GALNT7: variants seen among roughly 807,000 people sequenced by gnomAD.
The protein encoded by GALNT7 is polypeptide N-acetylgalactosaminyltransferase 7.
Under a neutral mutation model 82.1 loss-of-function variants are expected in GALNT7, and 60 were observed. The observed-to-expected ratio is 0.73, with a 90% CI of 0.59 to 0.91. The LOEUF (loss-of-function observed/expected upper bound fraction) is 0.91. GALNT7 is among the 40% of genes least tolerant of loss of function. The pLI is 0.00. For synonymous variants in GALNT7, 243 were observed against 275.1 expected (o/e 0.88, Z 1.15); for missense variants, 660 against 804.2 (o/e 0.82, Z 2.17).
intron 6 of GALNT7, among the ~76,000 whole-genome samples, chr4:173,300,588 C>A (rs991899313): frequency 2.0e-5 from 3 of 151,618 alleles, no homozygotes; most frequent in Non-Finnish European, 4.4e-5. Flanking sequence ...GAGGCTGGCA[C>A]GTTCCCGGTG....
At chr4:173,258,312 CAG>C (rs1413998857) in intron 2 of GALNT7, among the ~76,000 whole-genome samples, 1 of 152,150 alleles carries the variant, frequency 6.6e-6, no homozygotes, top group Non-Finnish European at 1.5e-5. Context: ...CTGGAATTAA[CAG>C]TGTGCTAAGG....
chr4:173,284,163 C>T (rs143667190), intron 2 of GALNT7, among the ~76,000 whole-genome samples: 9 of 152,338 alleles, frequency 5.9e-5, no homozygotes, highest in African/African-American at 1.9e-4. Flanking sequence ...TTCAGCTTTT[C>T]ATGAGTCCTT....
chr4:173,297,727 A>G, intron 5 of GALNT7: 2 of 666,376 alleles, frequency 3.0e-6, no homozygotes, highest in Non-Finnish European at 4.5e-6. Context: ...AAAAGAGATA[A>G]CGTAGTTAGG....
At position 173,320,256 on chromosome 4, in the gene GALNT7, A is replaced by C. The variant is rs1169525405; in HGVS notation, c.1837-1324A>C. Among the ~76,000 whole-genome samples, 1 of 151,636 alleles carries C rather than the reference A, an allele frequency of 6.6e-6. No homozygotes were observed. The highest frequency in any genetic ancestry group is 2.4e-5 in the African/African-American group (1 of 41,242). On this transcript the variant is annotated intron_variant, in intron 11 of 11. Coordinates refer to ENST00000265000, the MANE Select transcript of GALNT7 (RefSeq NM_017423.3). The surrounding 1 kb of genome is among the most constrained non-coding windows in gnomAD (Gnocchi z 4.1). ...CTCTTAAAAATTTTTGAGCTCCCCC[A>C]CCCCCAAATTGCTTTTGTTTATATA... is the stretch of plus-strand genomic sequence containing the variant.
At chr4:173,312,904 C>A (rs1737442756) in intron 8 of GALNT7, among the ~76,000 whole-genome samples, 1 of 152,048 alleles carries the variant, frequency 6.6e-6, no homozygotes, top group African/African-American at 2.4e-5. Context: ...ACTAAAAGTA[C>A]AGAAATTAGC....
At chr4:173,233,201 A>G (rs1451337610) in intron 1 of GALNT7, among the ~76,000 whole-genome samples, 1 of 152,206 alleles carries the variant, frequency 6.6e-6, no homozygotes, top group African/African-American at 2.4e-5. Flanking sequence ...TCAACATGAC[A>G]GTGCAGGTAT....
In GALNT7 at chr4:173,283,988, C is replaced by G. The variant is rs146558007; in HGVS notation, c.588-8120C>G. Among the ~76,000 whole-genome samples the G allele has an allele frequency of 2.0e-5, 3 of 152,312 alleles. No individual in the cohort carries two copies. In the East Asian group the frequency reaches 5.8e-4, roughly 29 times the overall value. On this transcript the variant is annotated intron_variant, in intron 2 of 11. Transcript: ENST00000265000. ...ATTTTGTTCACAGGAGTATACCTTACTTAGTTGTTAAAAGCTCTAGCTAAT... is the reference window on the plus strand; with the variant it reads ...ATTTTGTTCACAGGAGTATACCTTAGTTAGTTGTTAAAAGCTCTAGCTAAT...
intron 2 of GALNT7, among the ~76,000 whole-genome samples, chr4:173,259,311 AG>A (rs1324244695): frequency 6.6e-6 from 1 of 152,134 alleles, no homozygotes; most frequent in Non-Finnish European, 1.5e-5. Flanking sequence ...AGATTAGTGG[AG>A]GGGGTTACAT....
At chr4:173,228,000 T>G (rs1056205024) in intron 1 of GALNT7, among the ~76,000 whole-genome samples, 3 of 152,144 alleles carry the variant, frequency 2.0e-5, no homozygotes, top group African/African-American at 7.2e-5. Flanking sequence ...TGTTTTCTGT[T>G]TGTTCCTTAA....
At chr4:173,275,483 A>C (rs927363004) in intron 2 of GALNT7, among the ~76,000 whole-genome samples, 1 of 152,192 alleles carries the variant, frequency 6.6e-6, no homozygotes, top group Non-Finnish European at 1.5e-5. Flanking sequence ...AATAAACACA[A>C]ATATAAGCTT....
At chr4:173,217,944 T>C (rs1425928282) in intron 1 of GALNT7, among the ~76,000 whole-genome samples, 4 of 152,202 alleles carry the variant, frequency 2.6e-5, no homozygotes, top group Admixed American at 6.5e-5. Context: ...GTACTGACAA[T>C]TGTTTATAAA....
intron 1 of GALNT7, among the ~76,000 whole-genome samples, chr4:173,209,592 C>T (rs1197883168): frequency 1.3e-5 from 2 of 152,224 alleles, no homozygotes; most frequent in African/African-American, 4.8e-5. Context: ...CCTTCCACTA[C>T]CTGACACCTG....
intron 2 of GALNT7, among the ~76,000 whole-genome samples, chr4:173,278,647 T>G (rs1735999672): frequency 2.0e-5 from 3 of 152,220 alleles, no homozygotes; most frequent in Admixed American, 2.0e-4. Flanking sequence ...TAACAGTAAT[T>G]TGGGGAGAAA....
rs1335936625 is a variant in GALNT7 at position 173,323,355 on chromosome 4, A to G, written c.*1638A>G. The stretch of plus-strand genomic sequence containing the variant: ...AAACATCCTCAACAGAGTTTTATTT[A>G]TAATTTTGAATTGTCAATTTGTATT... On this transcript the variant is annotated 3_prime_UTR_variant, in exon 12 of 12. Transcript: ENST00000265000. The G allele has an allele frequency of 2.6e-5, 4 of 152,580 alleles. No individual in the cohort carries two copies. The highest frequency in any genetic ancestry group is 9.6e-5 in the African/African-American group (4 of 41,458). The allele number at this position is 152,580 out of a possible 1,614,324, so 9.5% of individuals were successfully genotyped here.
intron 1 of GALNT7, among the ~76,000 whole-genome samples, chr4:173,193,528 A>T (rs1289243214): frequency 6.6e-6 from 1 of 152,126 alleles, no homozygotes; most frequent in East Asian, 1.9e-4. Flanking sequence ...AAGACAAAGC[A>T]TGTTTTTGTA....
intron 2 of GALNT7, among the ~76,000 whole-genome samples, chr4:173,290,948 C>G (rs1258387308): frequency 6.6e-6 from 1 of 152,136 alleles, no homozygotes; most frequent in Non-Finnish European, 1.5e-5. Context: ...TGCCCCTCAC[C>G]ACCTTCTGTC....
intron 1 of GALNT7, among the ~76,000 whole-genome samples, chr4:173,185,334 G>A (rs545535490): frequency 4.4e-4 from 67 of 151,898 alleles, no homozygotes; most frequent in African/African-American, 1.4e-3. Flanking sequence ...GGTGCACTGG[G>A]TGGCATGTGG....
At chr4:173,205,823 C>T (rs147744453) in intron 1 of GALNT7, among the ~76,000 whole-genome samples, 3 of 151,156 alleles carry the variant, frequency 2.0e-5, no homozygotes, top group African/African-American at 2.4e-5. Context: ...CAGAGGCTGG[C>T]CTCATGACTA....
At chr4:173,309,896 G>C (rs1265086526) in intron 8 of GALNT7, among the ~76,000 whole-genome samples, 1 of 152,090 alleles carries the variant, frequency 6.6e-6, no homozygotes, top group African/African-American at 2.4e-5. Flanking sequence ...CAATCACGAA[G>C]AATTGATGAA....
Sources: allele counts gnomAD v4.1 joint callset (sites outside exome capture counted in the v4.1 genomes callset), GRCh38; gene constraint gnomAD v4.1.1; non-coding constraint Gnocchi (gnomAD v3.1); transcripts MANE v1.5; gene names NCBI Gene and HGNC (gene_info 2026-07-23, HGNC 2026-07-21).